HAPSTR1: variants seen among roughly 807,000 people sequenced by gnomAD.
HAPSTR1 encodes the protein HUWE1-associated protein modifying stress responses 1.
At chr16:9,094,792 T>C in the HAPSTR1 span, among the ~76,000 whole-genome samples, 1 of 152,168 alleles carries the variant, frequency 6.6e-6, no homozygotes, top group African/African-American at 2.4e-5. Context: ...AGGCAACACA[T>C]TTTTAGTGTT....
chr16:9,102,896 T>A, the HAPSTR1 span: 1 of 1,377,838 alleles, frequency 7.3e-7, no homozygotes, highest in South Asian at 1.4e-5. Flanking sequence ...GTATTCACTT[T>A]GGTTAAATTG....
At chr16:9,098,347 A>G in the HAPSTR1 span, among the ~76,000 whole-genome samples, 1 of 152,144 alleles carries the variant, frequency 6.6e-6, no homozygotes, top group Non-Finnish European at 1.5e-5. Flanking sequence ...CACACACAAA[A>G]TATTATCCCC....
chr16:9,100,286 AC>A, the HAPSTR1 span, among the ~76,000 whole-genome samples: 1 of 152,186 alleles, frequency 6.6e-6, no homozygotes, highest in Non-Finnish European at 1.5e-5. Context: ...AAGCCAGGCC[AC>A]TAGTGATTAC....
the HAPSTR1 span, among the ~76,000 whole-genome samples, chr16:9,100,736 T>C: frequency 6.6e-6 from 1 of 152,112 alleles, no homozygotes; most frequent in Non-Finnish European, 1.5e-5. Context: ...GGTTTTGCCA[T>C]CTTGGCCAGG....
chr16:9,116,999 A>G, the HAPSTR1 span: 1 of 1,544,996 alleles, frequency 6.5e-7, no homozygotes, highest in Non-Finnish European at 8.8e-7. Flanking sequence ...ACATGAGGCC[A>G]TCTTCCCTTG....
chr16:9,104,452 A>G, the HAPSTR1 span: 1 of 152,234 alleles, frequency 6.6e-6, no homozygotes, highest in African/African-American at 2.4e-5. Context: ...CAGGTCATCT[A>G]AAACAAAGTA....
the HAPSTR1 span, chr16:9,104,754 T>C: frequency 2.0e-5 from 3 of 152,342 alleles, no homozygotes; most frequent in East Asian, 3.9e-4. Flanking sequence ...AAAAATGGGA[T>C]TGATCTGTTT....
At chr16:9,113,521 T>C in the HAPSTR1 span, among the ~76,000 whole-genome samples, 2 of 152,342 alleles carry the variant, frequency 1.3e-5, no homozygotes, top group East Asian at 3.9e-4. Flanking sequence ...TTGTTAGGTA[T>C]TAAACGTGCT....
chr16:9,116,909 C>A, the HAPSTR1 span: 1 of 1,613,498 alleles, frequency 6.2e-7, no homozygotes. Flanking sequence ...ACAGAATGAT[C>A]TAAACTGCAA....
chr16:9,093,018 T>A, the HAPSTR1 span: 7 of 1,602,930 alleles, frequency 4.4e-6, no homozygotes, highest in Middle Eastern at 3.6e-4. Flanking sequence ...ATAACCTTGC[T>A]GCATTGCCGA....
chr16:9,104,578 C>T, the HAPSTR1 span: 2 of 152,148 alleles, frequency 1.3e-5, no homozygotes, highest in East Asian at 1.9e-4. Flanking sequence ...GTAGTTCTTT[C>T]CTGAAACCCC....
chr16:9,110,165 T>TTG, the HAPSTR1 span: 3 of 151,486 alleles, frequency 2.0e-5, no homozygotes, highest in South Asian at 6.3e-4. Flanking sequence ...CTCCTTTTTT[T>TTG]TTTTTTTTTT....
chr16:9,102,251 T>G, the HAPSTR1 span, among the ~76,000 whole-genome samples: 1 of 152,266 alleles, frequency 6.6e-6, no homozygotes, highest in African/African-American at 2.4e-5. Context: ...GATGTTCTGC[T>G]GGCACAGCAG....
At chr16:9,101,149 T>A in the HAPSTR1 span, among the ~76,000 whole-genome samples, 19 of 152,224 alleles carry the variant, frequency 1.2e-4, no homozygotes, top group Admixed American at 3.3e-4. Context: ...TCCAGCTCTT[T>A]CAGAATCATT....
the HAPSTR1 span, chr16:9,093,124 C>T: frequency 6.2e-6 from 6 of 975,026 alleles, no homozygotes; most frequent in Admixed American, 2.5e-5. Flanking sequence ...TACCTTGCAA[C>T]TTGAGAATCG....
At chr16:9,094,632 C>T in the HAPSTR1 span, among the ~76,000 whole-genome samples, 1 of 151,986 alleles carries the variant, frequency 6.6e-6, no homozygotes, top group Non-Finnish European at 1.5e-5. Context: ...CTGGCTTGTT[C>T]CAGTTACTAT....
the HAPSTR1 span, chr16:9,121,525 A>C: frequency 6.6e-6 from 1 of 152,168 alleles, no homozygotes; most frequent in Non-Finnish European, 1.5e-5. Flanking sequence ...GTGGGTTTGA[A>C]TGCTGACTCT....
At chr16:9,117,137 T>G in the HAPSTR1 span, 1 of 594,346 alleles carries the variant, frequency 1.7e-6, no homozygotes, top group Non-Finnish European at 2.8e-6. Context: ...CATCAGATAT[T>G]GTGTAGTCGT....
chr16:9,116,425 C>T, the HAPSTR1 span, among the ~76,000 whole-genome samples: 7 of 151,932 alleles, frequency 4.6e-5, no homozygotes, highest in Non-Finnish European at 8.8e-5. Context: ...GTGGTTGACA[C>T]GTAGTAACTT....
Sources: allele counts gnomAD v4.1 joint callset (sites outside exome capture counted in the v4.1 genomes callset), GRCh38; gene constraint gnomAD v4.1.1; transcripts MANE v1.5; gene names NCBI Gene and HGNC (gene_info 2026-07-23, HGNC 2026-07-21).